BMS1: variants seen among roughly 807,000 people sequenced by gnomAD.
BMS1 encodes the protein ribosome biogenesis protein BMS1 homolog.
BMS1 carries 53 observed loss-of-function variants against 138.7 expected under a neutral mutation model. The observed-to-expected ratio is 0.38, with a 90% CI of 0.31 to 0.48. The LOEUF is 0.48. BMS1 is among the 20% of genes least tolerant of loss of function. The pLI, the probability that BMS1 is intolerant of heterozygous loss-of-function variation, is 0.97. For missense variants in BMS1, 1,360 were observed against 1,565.5 expected (o/e 0.87, Z 2.22); for synonymous variants, 504 against 539.9 (o/e 0.93, Z 0.92).
chr10:42,800,254 T>A (rs2132326648), intron 12 of BMS1, among the ~76,000 whole-genome samples: 1 of 152,346 alleles, frequency 6.6e-6, no homozygotes, highest in South Asian at 2.1e-4. Flanking sequence ...GATTTAAATT[T>A]GATTTTTATT....
intron 13 of BMS1, among the ~76,000 whole-genome samples, chr10:42,810,528 G>A (rs1842141658): frequency 6.6e-6 from 1 of 152,090 alleles, no homozygotes; most frequent in Non-Finnish European, 1.5e-5. Flanking sequence ...AAAATGAGTT[G>A]CAAAGTGTCC....
chr10:42,797,582 G>A, intron 11 of BMS1, 59 bp downstream of exon 11: 2 of 1,524,002 alleles, frequency 1.3e-6, no homozygotes, highest in African/African-American at 1.4e-5. Context: ...TTTAGATGAG[G>A]GAATTGGTTG....
At chr10:42,816,332 TTGTGTA>T (rs1445653528) in intron 13 of BMS1, among the ~76,000 whole-genome samples, 1 of 152,028 alleles carries the variant, frequency 6.6e-6, no homozygotes, top group Admixed American at 6.6e-5. Context: ...AGAGTGTCCA[TTGTGTA>T]TACTGGAAAA....
At position 42,798,057 on chromosome 10, in the gene BMS1, C is replaced by A. The variant is rs564314536; in HGVS notation, c.2090-411C>A. ...TGGTGAGACATTTGGGCTCAGCCCA[C>A]TGAATTGGGAAGGTTGTTGTATACT... On this transcript the variant is annotated intron_variant, in intron 11 of 22. Transcript: ENST00000374518. Among the ~76,000 whole-genome samples, 6 of 152,342 alleles carry A rather than the reference C, an allele frequency of 3.9e-5. No individual in the cohort carries two copies. In the South Asian group the frequency reaches 1.2e-3, roughly 32 times the overall value.
At chr10:42,816,524 G>T in intron 13 of BMS1, 75 bp from the exon 14 acceptor site, 1 of 1,218,922 alleles carries the variant, frequency 8.2e-7, no homozygotes, top group Non-Finnish European at 1.2e-6. Flanking sequence ...AGCACACTGT[G>T]GGCCTGTGGT....
chr10:42,811,338 C>T (rs1354477718), intron 13 of BMS1, among the ~76,000 whole-genome samples: 6 of 151,590 alleles, frequency 4.0e-5, no homozygotes, highest in South Asian at 2.1e-4. Flanking sequence ...CCACCACATC[C>T]GGCCAATTTC....
chr10:42,824,341 T>C (rs2132387758), intron 21 of BMS1, among the ~76,000 whole-genome samples: 1 of 152,360 alleles, frequency 6.6e-6, no homozygotes, highest in South Asian at 2.1e-4. Context: ...GTTGTTTTTC[T>C]GCTATTAAGT....
At chr10:42,830,509 T>G (rs180899227) in intron 22 of BMS1, 87 bp downstream of exon 22, 1 of 1,491,636 alleles carries the variant, frequency 6.7e-7, no homozygotes, top group African/African-American at 1.4e-5. Context: ...TACTGTAGTC[T>G]CAGTTATTCA....
chr10:42,785,668 G>C lies in BMS1; in HGVS notation c.363G>C (p.Val121=). ...LTEIRGPVTI[V]SGKKRRLTII... Reference sequence around the variant, plus strand: ...AGATCAGAGGCCCTGTGACGATTGTGTCAGGTAGGAGATGCCACCACAGAC... The same window carrying C: ...AGATCAGAGGCCCTGTGACGATTGTCTCAGGTAGGAGATGCCACCACAGAC... Residue 121 remains valine, a synonymous_variant, in exon 3 of 23, where the codon GTG becomes GTC. Coordinates refer to ENST00000374518, the MANE Select transcript of BMS1 (RefSeq NM_014753.4). 6.2e-7 allele frequency: 1 copy of C among 1,613,422 alleles called. No homozygotes were observed.
Position 42,827,361 on chromosome 10 carries a change from A to C in BMS1, c.3457-2900A>C, listed in dbSNP as rs1315518833. The stretch of plus-strand genomic sequence containing the variant: ...TGTTACAGCCACACTAAATGGCCTG[A>C]GACAGTGTAACAGCAGCTCAGTGTA... On this transcript the variant is annotated intron_variant, in intron 21 of 22. Coordinates refer to ENST00000374518, the MANE Select transcript of BMS1 (RefSeq NM_014753.4). 1.3e-5 allele frequency among the ~76,000 whole-genome samples: 2 copies of C among 152,180 alleles called. 1 individual carries two copies.
rs111741529 is a variant in BMS1 at position 42,784,304 on chromosome 10, A to G, written c.-33-58A>G. On this transcript the variant is annotated intron_variant, in intron 1 of 22. Transcript: ENST00000374518. ...TGAAATTTACTGTTTTTCCCTGGGT[A>G]TTGCCTGGATTGTAAAATGCTTCTC... is the stretch of plus-strand genomic sequence containing the variant. 3.4e-6 allele frequency: 4 copies of G among 1,165,552 alleles called. No individual in the cohort carries two copies. The African/African-American group carries it at 4.6e-5, about 13-fold the overall frequency. The allele number at this position is 1,165,552 out of a possible 1,614,324, so 72.2% of individuals were successfully genotyped here. A position where few individuals can be genotyped will look rare whatever the true frequency, so the allele number is the denominator to read the frequency against.
In BMS1 at chr10:42,820,339, G is replaced by A; in HGVS notation, c.2684G>A (p.Cys895Tyr). The change falls in exon 16 of 23, where the codon TGT (cysteine) becomes TAT (tyrosine). Residue 895 changes from cysteine (C) to tyrosine (Y), a missense_variant. Cys to Tyr is a radical substitution (Grantham distance 194). Coordinates refer to ENST00000374518, the MANE Select transcript of BMS1 (RefSeq NM_014753.4). ...CGCATTGAGATTGAAAATGTTCCCT[G>A]TGAATTTGTGCAGAACTTTGACCCC... The part of the protein sequence containing the change: ...YVRIEIENVP[C>Y]EFVQNFDPHY... The A allele has an allele frequency of 6.2e-7, 1 of 1,613,786 alleles. No homozygotes were observed. The highest frequency in any genetic ancestry group is 8.5e-7 in the Non-Finnish European group (1 of 1,179,858).
chr10:42,824,204 A>G (rs887213146), intron 21 of BMS1, among the ~76,000 whole-genome samples: 3 of 152,176 alleles, frequency 2.0e-5, no homozygotes, highest in Non-Finnish European at 2.9e-5. Context: ...TTTATTAACT[A>G]TAGCCCTCAT....
Position 42,784,468 on chromosome 10 carries a change from T to C in BMS1, c.74T>C (p.Leu25Pro). 1 of 1,613,880 alleles carries C rather than the reference T, an allele frequency of 6.2e-7. No homozygotes were observed. The highest frequency in any genetic ancestry group is 8.5e-7 in the Non-Finnish European group (1 of 1,179,850). ...GPKAAKKKKR[L>P]LQDLQLGDEE... ...AAAGCTGCAAAGAAAAAGAAGCGGC[T>C]TCTGCAGGATCTCCAGCTAGGAGAC... is the stretch of plus-strand genomic sequence containing the variant. Residue 25 changes from leucine to proline, a missense_variant, in exon 2 of 23, where the codon CTT becomes CCT. By Grantham distance (98) the Leu-to-Pro change is moderately conservative (BLOSUM62 -3). Transcript: ENST00000374518.
chr10:42,816,305 T>A (rs1004062077), intron 13 of BMS1, among the ~76,000 whole-genome samples: 10 of 151,842 alleles, frequency 6.6e-5, no homozygotes, highest in African/African-American at 1.9e-4. Context: ...TCTCCAAAAA[T>A]AAAAAACAAA....
rs780248065 is a variant in BMS1 at position 42,791,715 on chromosome 10, T to C, written c.725T>C (p.Met242Thr). The stretch of plus-strand genomic sequence containing the variant: ...AATCTGGGCCGTTTTATTACAGTTA[T>C]GAAGTTTAGGCCTCTCACATGGCAA... ...IHNLGRFITVMKFRPLTWQTS... is the reference protein window; with the variant it reads ...IHNLGRFITVTKFRPLTWQTS... Residue 242 changes from methionine to threonine, a missense_variant, in exon 6 of 23, where the codon ATG becomes ACG. Coordinates refer to ENST00000374518, the MANE Select transcript of BMS1 (RefSeq NM_014753.4). 15 of 1,613,772 alleles carry C rather than the reference T, an allele frequency of 9.3e-6. No homozygotes were observed. Among genetic ancestry groups the C allele is most frequent in the African/African-American group, 8.0e-5 (6 of 74,928 alleles).
chr10:42,811,880 T>C (rs910841783), intron 13 of BMS1, among the ~76,000 whole-genome samples: 7 of 152,166 alleles, frequency 4.6e-5, no homozygotes, highest in South Asian at 4.1e-4. Flanking sequence ...GCCCATGCAT[T>C]ATTTATAAAT....
intron 8 of BMS1, 70 bp downstream of exon 8, chr10:42,793,214 A>T: frequency 6.9e-7 from 1 of 1,448,524 alleles, no homozygotes; most frequent in South Asian, 1.5e-5. Flanking sequence ...TTAATCACAA[A>T]AAGTAATGTA....
chr10:42,797,649 T>C, intron 11 of BMS1, 126 bp downstream of exon 11: 1 of 868,284 alleles, frequency 1.2e-6, no homozygotes, highest in Non-Finnish European at 1.8e-6. Context: ...ATTTCATATT[T>C]GACAGATGTC....
Sources: allele counts gnomAD v4.1 joint callset (sites outside exome capture counted in the v4.1 genomes callset), GRCh38; gene constraint gnomAD v4.1.1; transcripts MANE v1.5; gene names NCBI Gene and HGNC (gene_info 2026-07-23, HGNC 2026-07-21).